The following KLHL29 variants were observed in gnomAD, a reference collection of about 807,000 sequenced individuals.
KLHL29 encodes the protein kelch like family member 29.
Under a neutral mutation model 80.4 loss-of-function variants are expected in KLHL29, and 21 were observed. The observed-to-expected ratio is 0.26, with a 90% CI of 0.19 to 0.38. The LOEUF is 0.38. KLHL29 is among the 10% of genes least tolerant of loss of function. The probability of loss-of-function intolerance (pLI) is 1.00; values close to 1 mark genes in which losing one functional copy is unlikely to be tolerated. For missense variants in KLHL29, 867 were observed against 1,223.9 expected, an observed-to-expected ratio of 0.71 and a Z score of 4.35; for synonymous variants, 511 against 526.8, an observed-to-expected ratio of 0.97 and a Z score of 0.41.
At chr2:23,534,419 G>A (rs1417685120) in intron 2 of KLHL29, among the ~76,000 whole-genome samples, 1 of 152,030 alleles carries the variant, frequency 6.6e-6, no homozygotes, top group East Asian at 1.9e-4. Context: ...TCTTCCCAGC[G>A]TGGAATTTTC....
At chr2:23,409,142 A>G (rs954808030) in intron 1 of KLHL29, among the ~76,000 whole-genome samples, 3 of 152,214 alleles carry the variant, frequency 2.0e-5, no homozygotes, top group Admixed American at 6.5e-5. Context: ...CCAGTCAGAC[A>G]TCACTTTCCC....
chr2:23,388,310 A>T (rs374246038), intron 1 of KLHL29, among the ~76,000 whole-genome samples: 20 of 152,366 alleles, frequency 1.3e-4, no homozygotes, highest in African/African-American at 4.8e-4. Context: ...TAGGAACAAA[A>T]TGGATAAAAA....
intron 2 of KLHL29, among the ~76,000 whole-genome samples, chr2:23,484,812 C>T (rs1260644997): frequency 1.3e-5 from 2 of 152,190 alleles, no homozygotes; most frequent in African/African-American, 4.8e-5. Flanking sequence ...CCAGTCTCTG[C>T]TGGGCTCTTG....
intron 2 of KLHL29, among the ~76,000 whole-genome samples, chr2:23,555,210 G>A (rs1667255046): frequency 6.6e-6 from 1 of 152,098 alleles, no homozygotes; most frequent in Non-Finnish European, 1.5e-5. Flanking sequence ...GGCCTCGGGA[G>A]CTGTGCATGT....
In KLHL29 at chr2:23,681,964, G is replaced by T. The variant is rs1671096377; in HGVS notation, c.941-2435G>T. The stretch of plus-strand genomic sequence containing the variant: ...CAGGCGCCGCTGGGCTCTCTACCTT[G>T]TCTCTAGCCCAGGCCTCTATCCACC... On this transcript the variant is annotated intron_variant, in intron 5 of 13. Transcript: ENST00000486442. This position sits in a 1 kb window ranked among gnomAD's most constrained non-coding sequence, Gnocchi z 4.2. 6.6e-6 allele frequency among the ~76,000 whole-genome samples: 1 copy of T among 152,050 alleles called. No homozygotes were observed. Among genetic ancestry groups the T allele is most frequent in the African/African-American group, 2.4e-5 (1 of 41,392 alleles).
intron 2 of KLHL29, chr2:23,532,758 G>A (rs1314682447): frequency 2.1e-5 from 9 of 423,726 alleles, no homozygotes; most frequent in African/African-American, 8.1e-5. Flanking sequence ...CCCTCTGCAC[G>A]GGGAGAAGGA....
chr2:23,652,039 T>G (rs1293068076), intron 5 of KLHL29, among the ~76,000 whole-genome samples: 10 of 152,210 alleles, frequency 6.6e-5, no homozygotes, highest in African/African-American at 2.2e-4. Context: ...TCCGTAACAG[T>G]CTACAAGTCT....
chr2:23,697,579 G>C (rs902738543), intron 11 of KLHL29: 4 of 152,260 alleles, frequency 2.6e-5, no homozygotes, highest in Non-Finnish European at 4.4e-5. Context: ...CCCCTTGGTG[G>C]CTAATTGGAC....
rs868323773 is a variant in KLHL29, at chr2:23,619,165, C to A, written c.286-19974C>A. Among the ~76,000 whole-genome samples the A allele has an allele frequency of 1.8e-4, 28 of 152,310 alleles. No individual in the cohort carries two copies. The Middle Eastern group carries it at 0.01, about 56-fold the overall frequency. On this transcript the variant is annotated intron_variant, in intron 3 of 13. Coordinates refer to ENST00000486442, the MANE Select transcript of KLHL29 (RefSeq NM_052920.2). ...GACGTGGTGTCCACTCCTTGCTCAC[C>A]CCCTGCTAGAAGGTAAAGGAAAGCA...
intron 2 of KLHL29, among the ~76,000 whole-genome samples, chr2:23,490,459 A>G (rs142814310): frequency 2.4e-4 from 36 of 152,332 alleles, no homozygotes; most frequent in Admixed American, 2.0e-3. Flanking sequence ...TGCAGGATAA[A>G]TGGAGAGAAA....
intron 1 of KLHL29, among the ~76,000 whole-genome samples, chr2:23,422,688 ATGTC>A (rs1662854487): frequency 7.1e-6 from 1 of 141,588 alleles, no homozygotes; most frequent in Non-Finnish European, 1.5e-5. Context: ...TGTTGTGTGT[ATGTC>A]TGGGTGTCAT....
intron 2 of KLHL29, among the ~76,000 whole-genome samples, chr2:23,497,301 G>A (rs1028798406): frequency 5.9e-5 from 9 of 152,146 alleles, no homozygotes; most frequent in Admixed American, 2.6e-4. Context: ...TGCCCATGTG[G>A]TTCTCTTTCC....
chr2:23,633,845 G>C (rs529039042), intron 3 of KLHL29, among the ~76,000 whole-genome samples: 3 of 151,974 alleles, frequency 2.0e-5, no homozygotes. Context: ...AACTGTGGCA[G>C]TTCCAGGAGC....
chr2:23,433,060 G>C (rs966017753), intron 1 of KLHL29, among the ~76,000 whole-genome samples: 2 of 152,124 alleles, frequency 1.3e-5, no homozygotes, highest in Non-Finnish European at 2.9e-5. Flanking sequence ...TGTGCCCTCC[G>C]TTGTCTTGAT....
chr2:23,581,924 C>T (rs951241045), intron 3 of KLHL29, among the ~76,000 whole-genome samples: 1 of 149,920 alleles, frequency 6.7e-6, no homozygotes, highest in Non-Finnish European at 1.5e-5. Context: ...CTTTGAAAAA[C>T]TCTCCCACAA....
At chr2:23,598,016 T>C (rs534170422) in intron 3 of KLHL29, among the ~76,000 whole-genome samples, 17 of 152,298 alleles carry the variant, frequency 1.1e-4, no homozygotes, top group African/African-American at 4.1e-4. Flanking sequence ...CTGCAGGGCT[T>C]GGAGGCATCC....
chr2:23,696,009 C>T lies in KLHL29; in HGVS notation c.1800C>T (p.Arg600=). The stretch of plus-strand genomic sequence containing the variant: ...GTCAGATGGTGGGGATGACCCAGCG[C>T]TCGCTGGTGGCCGTCACCTGCTGGA... ...GGRQMVGMTQ[R]SLVAVTCWNP... The change falls in exon 10 of 14, where the codon CGC becomes CGT. Residue 600 remains arginine (R), a synonymous_variant. Coordinates refer to ENST00000486442, the MANE Select transcript of KLHL29 (RefSeq NM_052920.2). This position sits in a 1 kb window ranked among gnomAD's most constrained non-coding sequence, Gnocchi z 5.5. 1 of 1,551,688 alleles carries T rather than the reference C, an allele frequency of 6.4e-7. No homozygotes were observed. Among genetic ancestry groups the T allele is most frequent in the South Asian group, 1.2e-5 (1 of 84,058 alleles).
intron 2 of KLHL29, among the ~76,000 whole-genome samples, chr2:23,478,866 C>T (rs776337338): frequency 9.9e-5 from 15 of 152,096 alleles, no homozygotes; most frequent in Non-Finnish European, 1.9e-4. Flanking sequence ...CCAGAGCTAA[C>T]GGCAGTTAGA....
chr2:23,539,193 A>G (rs1457624753), intron 2 of KLHL29, among the ~76,000 whole-genome samples: 1 of 107,106 alleles, frequency 9.3e-6, no homozygotes, highest in Non-Finnish European at 1.8e-5. Context: ...TGGGGATCGT[A>G]CTGGTTCACA....
Sources: gnomAD v4.1 joint callset for allele counts (sites outside exome capture counted in the v4.1 genomes callset) on GRCh38, gnomAD v4.1.1 for gene constraint, Gnocchi (gnomAD v3.1) non-coding constraint, MANE v1.5 for transcripts, NCBI Gene and HGNC (gene_info 2026-07-23, HGNC 2026-07-21) for gene names.